SYN1: variants seen among roughly 807,000 people sequenced by gnomAD.
The protein encoded by SYN1 is synapsin I.
A neutral mutation model predicts 44.6 loss-of-function variants in SYN1; 8 were observed. That is an observed-to-expected ratio of 0.18 (90% CI 0.11 to 0.32). The LOEUF (loss-of-function observed/expected upper bound fraction) is 0.32, where lower values mean the gene tolerates loss of function less well. Ranked by LOEUF, SYN1 falls within the 10% of genes least tolerant of loss-of-function variation. The pLI, the probability that SYN1 is intolerant of heterozygous loss-of-function variation, is 1.00. For missense variants in SYN1, 451 were observed against 639.4 expected, an observed-to-expected ratio of 0.71 and a Z score of 3.18; for synonymous variants, 275 against 280.1, an observed-to-expected ratio of 0.98 and a Z score of 0.18.
chrX:47,583,431 C>A, intron 5 of SYN1: 1 of 1,206,288 alleles, frequency 8.3e-7, no homozygotes, highest in South Asian at 1.8e-5. Flanking sequence ...CCCCTTTGAG[C>A]CCCTGGCTTC....
At chrX:47,584,398 A>T (rs1188330423) in intron 5 of SYN1, among the ~76,000 whole-genome samples, 1 of 111,332 alleles carries the variant, frequency 9.0e-6, no homozygotes, top group African/African-American at 3.3e-5. Flanking sequence ...TGACTTAGCA[A>T]GGCTCTCGGC....
chrX:47,612,594 CA>C (rs1467856857), intron 1 of SYN1, among the ~76,000 whole-genome samples: 1 of 112,039 alleles, frequency 8.9e-6, no homozygotes, highest in African/African-American at 3.2e-5. Context: ...CACTATAACC[CA>C]ACTGGAATGG....
intron 5 of SYN1, among the ~76,000 whole-genome samples, chrX:47,587,183 A>G (rs1244193645): frequency 1.8e-5 from 2 of 112,767 alleles, no homozygotes; most frequent in Non-Finnish European, 3.8e-5. Flanking sequence ...TGCCCTACCA[A>G]TTGGCAAATG....
chrX:47,610,334 C>T (rs1306521351), intron 1 of SYN1, among the ~76,000 whole-genome samples: 2 of 110,267 alleles, frequency 1.8e-5, no homozygotes, highest in Admixed American at 9.8e-5. Context: ...GACTCACCTG[C>T]ATCCACTGGG....
chrX:47,607,317 A>G lies in SYN1; in HGVS notation c.378-119T>C, dbSNP rs1603072106. On this transcript the variant is annotated intron_variant, in intron 1 of 12. Transcript: ENST00000295987. Reference sequence around the variant, plus strand: ...TAAAGAAACCACAAAGTGCCTTATAATTATTGAAATATTTTGAAAAAATCA... The same window carrying G: ...TAAAGAAACCACAAAGTGCCTTATAGTTATTGAAATATTTTGAAAAAATCA... 5.1e-6 allele frequency: 3 copies of G among 588,099 alleles called. No individual in the cohort carries two copies. In the East Asian group the frequency reaches 1.1e-4, roughly 21 times the overall value. The allele number at this position is 588,099 out of a possible 1,213,427, so 48.5% of individuals were successfully genotyped here.
chrX:47,598,720 A>G (rs1312542436), intron 5 of SYN1, among the ~76,000 whole-genome samples: 2 of 111,778 alleles, frequency 1.8e-5, no homozygotes, highest in Non-Finnish European at 3.8e-5. Context: ...CCAGCTACTA[A>G]GAAGGCTGAG....
chrX:47,584,853 G>A lies in SYN1; in HGVS notation c.775-7352C>T, dbSNP rs2057815979. Reference sequence around the variant, plus strand: ...CCCCTATTTATGTATGCGCTTTGCTGGTATGATGATGATGATGATGATGAT... The same window carrying A: ...CCCCTATTTATGTATGCGCTTTGCTAGTATGATGATGATGATGATGATGAT... On this transcript the variant is annotated intron_variant, in intron 5 of 12. Coordinates refer to ENST00000295987, the MANE Select transcript of SYN1 (RefSeq NM_006950.3). 9 of 850,093 alleles carry A rather than the reference G, an allele frequency of 1.1e-5. 1 individual carries two copies. The South Asian group carries it at 1.5e-4, about 15-fold the overall frequency. The allele number at this position is 850,093 out of a possible 1,213,427, so 70.1% of individuals were successfully genotyped here.
At position 47,576,657 on chromosome X, in the gene SYN1, A is replaced by C; in HGVS notation, c.838-17T>G. The C allele has an allele frequency of 1.7e-6, 2 of 1,211,473 alleles. No homozygotes were observed. The highest frequency in any genetic ancestry group is 3.5e-5 in the South Asian group (2 of 56,988). The stretch of plus-strand genomic sequence containing the variant: ...AACCTTGACCTGTGGAAGTGCGGGC[A>C]AGGATCAGGGCCTGGTCAGGATAGG... On this transcript the variant is annotated splice_polypyrimidine_tract_variant and intron_variant, in intron 6 of 12. Coordinates refer to ENST00000295987, the MANE Select transcript of SYN1 (RefSeq NM_006950.3).
intron 1 of SYN1, among the ~76,000 whole-genome samples, chrX:47,611,530 A>G (rs2057916694): frequency 8.9e-6 from 1 of 112,450 alleles, no homozygotes; most frequent in Non-Finnish European, 1.9e-5. Flanking sequence ...AAAAAGGATC[A>G]GAAACAGTTT....
chrX:47,596,576 G>T (rs903503429), intron 5 of SYN1, among the ~76,000 whole-genome samples: 1 of 112,450 alleles, frequency 8.9e-6, no homozygotes, highest in African/African-American at 3.2e-5. Flanking sequence ...GAGACTTACT[G>T]GTTTCAGGTG....
chrX:47,572,884 C>T lies in SYN1; in HGVS notation c.2098G>A (p.Ala700Thr), dbSNP rs768718412. 7.4e-6 allele frequency: 9 copies of T among 1,210,622 alleles called. No homozygotes were observed. The highest frequency in any genetic ancestry group is 2.2e-5 in the Admixed American group (1 of 46,000). ...GGGTATCAGTCGGAGAAGAGGCTGG[C>T]GAAAGACTTCCTCAGGCTGCGGATG... Reference protein sequence around the residue: ...ETIRSLRKSFASLFSD With the variant: ...ETIRSLRKSFTSLFSD The change falls in exon 13 of 13, where the codon GCC (alanine) becomes ACC (threonine). Residue 700 changes from alanine to threonine, a missense_variant. Transcript: ENST00000295987.
At chrX:47,596,164 A>T (rs2057863044) in intron 5 of SYN1, among the ~76,000 whole-genome samples, 1 of 111,875 alleles carries the variant, frequency 8.9e-6, no homozygotes, top group Admixed American at 9.5e-5. Flanking sequence ...TCTTTATTTG[A>T]TCTGTCTGGC....
chrX:47,602,685 T>C (rs2147926586), intron 5 of SYN1, among the ~76,000 whole-genome samples: 1 of 111,557 alleles, frequency 9.0e-6, no homozygotes, highest in African/African-American at 3.3e-5. Context: ...TATCTGTAAG[T>C]AAACTTAACT....
Position 47,574,301 on chromosome X carries a change from T to C in SYN1, c.1683A>G (p.Pro561=), listed in dbSNP as rs2147912160. The C allele has an allele frequency of 3.7e-6, 4 of 1,093,071 alleles. No individual in the cohort carries two copies. In the South Asian group the frequency reaches 6.6e-5, roughly 18 times the overall value. The allele number at this position is 1,093,071 out of a possible 1,213,427, so 90.1% of individuals were successfully genotyped here. A position where few individuals can be genotyped will look rare whatever the true frequency, so the allele number is the denominator to read the frequency against. ...SPSPQRQAGP[P]QATRQTSVSG... ...AGACGGATGTCTGACGGGTAGCCTGTGGGGGGCCCGCCTGGCGCTGGGGAG... is the reference window on the plus strand; with the variant it reads ...AGACGGATGTCTGACGGGTAGCCTGCGGGGGGCCCGCCTGGCGCTGGGGAG... Residue 561 remains proline (P), a synonymous_variant, in exon 12 of 13, where the codon CCA becomes CCG. Coordinates refer to ENST00000295987, the MANE Select transcript of SYN1 (RefSeq NM_006950.3).
At chrX:47,577,597 C>T in intron 5 of SYN1, 96 bp from the exon 6 acceptor site, 1 of 765,486 alleles carries the variant, frequency 1.3e-6, no homozygotes, top group East Asian at 3.5e-5. Flanking sequence ...GTGGGAACTG[C>T]ATTATGAGTC....
At chrX:47,614,053 A>T (rs757220142) in intron 1 of SYN1, among the ~76,000 whole-genome samples, 7 of 112,059 alleles carry the variant, frequency 6.2e-5, no homozygotes, top group Admixed American at 1.9e-4. Flanking sequence ...GAACACTGCT[A>T]CCAGGGGACA....
At chrX:47,605,753 C>T (rs1294273127) in intron 3 of SYN1, among the ~76,000 whole-genome samples, 1 of 111,235 alleles carries the variant, frequency 9.0e-6, no homozygotes, top group Non-Finnish European at 1.9e-5. Context: ...CACTTCCCCC[C>T]TAGATATCTG....
chrX:47,597,908 C>A (rs1282146118), intron 5 of SYN1, among the ~76,000 whole-genome samples: 1 of 111,980 alleles, frequency 8.9e-6, no homozygotes, highest in Non-Finnish European at 1.9e-5. Context: ...AAAAAGACTG[C>A]CAAACAAGAA....
chrX:47,608,212 G>A (rs979458503), intron 1 of SYN1, among the ~76,000 whole-genome samples: 6 of 79,789 alleles, frequency 7.5e-5, no homozygotes, highest in Admixed American at 1.5e-4. Context: ...AAAAGAGAAA[G>A]AAATAAAGAG....
Sources: allele counts gnomAD v4.1 joint callset (sites outside exome capture counted in the v4.1 genomes callset), GRCh38; gene constraint gnomAD v4.1.1; transcripts MANE v1.5; gene names NCBI Gene and HGNC (gene_info 2026-07-23, HGNC 2026-07-21).